RYR2: variants seen among roughly 807,000 people sequenced by gnomAD.
The protein encoded by RYR2 is cardiac muscle ryanodine receptor-calcium release channel.
RYR2 carries 227 observed loss-of-function variants against 601.1 expected under a neutral mutation model. That is an observed-to-expected ratio of 0.38 (90% CI 0.34 to 0.42). The LOEUF is 0.42. RYR2 is among the 10% of genes least tolerant of loss of function. RYR2 has a pLI of 1.00. For missense variants in RYR2, 4,646 were observed against 6,156.5 expected (o/e 0.75, Z 8.21); for synonymous variants, 2,223 against 2,175.1 (o/e 1.02, Z -0.61).
chr1:237,301,359 CT>C lies in RYR2; in HGVS notation c.169-29512del, dbSNP rs763149669. 1.8e-4 allele frequency among the ~76,000 whole-genome samples: 27 copies of C among 152,064 alleles called. No homozygotes were observed. The East Asian group carries it at 5.0e-3, about 28-fold the overall frequency. Reference sequence around the variant, plus strand: ...TGTGAGGGTTATAAATATTGTTTGTCTTTTTTTAAGAAAGATAAAAAAGTTG... The same window carrying C: ...TGTGAGGGTTATAAATATTGTTTGTCTTTTTTAAGAAAGATAAAAAAGTTG... On this transcript the variant is annotated intron_variant, in intron 2 of 104. Coordinates refer to ENST00000366574, the MANE Select transcript of RYR2 (RefSeq NM_001035.3).
chr1:237,128,539 G>T (rs903281895), intron 1 of RYR2, among the ~76,000 whole-genome samples: 1 of 152,220 alleles, frequency 6.6e-6, no homozygotes, highest in Non-Finnish European at 1.5e-5. Flanking sequence ...ATCAGAGAGA[G>T]GTGGCAGTGC....
intron 20 of RYR2, among the ~76,000 whole-genome samples, chr1:237,499,676 TA>T (rs11331256): frequency 0.6 from 90,901 of 150,962 alleles, 27,787 homozygotes; most frequent in Non-Finnish European, 0.66. Context: ...GTGTCCACAT[TA>T]AAAAAAAAAT....
chr1:237,300,924 G>C (rs144127873), intron 2 of RYR2, among the ~76,000 whole-genome samples: 2 of 152,034 alleles, frequency 1.3e-5, no homozygotes, highest in Non-Finnish European at 2.9e-5. Context: ...TACAATAATC[G>C]AAGTGAATTT....
chr1:237,153,829 CT>C (rs1675003238), intron 1 of RYR2, among the ~76,000 whole-genome samples: 1 of 152,056 alleles, frequency 6.6e-6, no homozygotes, highest in Non-Finnish European at 1.5e-5. Context: ...TGGTTTTCTG[CT>C]GTAAAAATAC....
At chr1:237,726,551 A>G (rs1046842085) in intron 75 of RYR2, among the ~76,000 whole-genome samples, 3 of 152,120 alleles carry the variant, frequency 2.0e-5, no homozygotes, top group Non-Finnish European at 4.4e-5. Context: ...CTGTGTTCAC[A>G]AAGCGTTGTC....
chr1:237,771,915 T>A, intron 85 of RYR2, 97 bp from the exon 86 acceptor site: 1 of 694,218 alleles, frequency 1.4e-6, no homozygotes, highest in South Asian at 1.6e-5. Flanking sequence ...TAACCCACAA[T>A]GATTTTGCCA....
At chr1:237,661,821 G>A (rs1335327750) in intron 56 of RYR2, among the ~76,000 whole-genome samples, 2 of 152,102 alleles carry the variant, frequency 1.3e-5, no homozygotes, top group Admixed American at 6.6e-5. Context: ...ATAGGTCTTC[G>A]GTGCTCAAGG....
At chr1:237,430,496 T>A (rs1214214042) in intron 12 of RYR2, among the ~76,000 whole-genome samples, 4 of 152,146 alleles carry the variant, frequency 2.6e-5, no homozygotes, top group Non-Finnish European at 4.4e-5. Context: ...TGTGGAAGGA[T>A]ATACACTAAT....
At chr1:237,512,734 A>G (rs1168894462) in intron 24 of RYR2, among the ~76,000 whole-genome samples, 1 of 152,156 alleles carries the variant, frequency 6.6e-6, no homozygotes, top group East Asian at 1.9e-4. Context: ...TTATCTGGGC[A>G]TAATGGCGCA....
chr1:237,299,529 C>A (rs1010649370), intron 2 of RYR2, among the ~76,000 whole-genome samples: 9 of 152,186 alleles, frequency 5.9e-5, no homozygotes, highest in African/African-American at 1.9e-4. Flanking sequence ...ATGTGCTGGA[C>A]TTCTGGGCCA....
At chr1:237,782,690 A>G (rs1312133414) in intron 89 of RYR2, among the ~76,000 whole-genome samples, 2 of 152,226 alleles carry the variant, frequency 1.3e-5, no homozygotes, top group African/African-American at 2.4e-5. Flanking sequence ...AGTAGCAGCA[A>G]CCACAGCAGT....
chr1:237,080,766 C>T (rs1166936753), intron 1 of RYR2, among the ~76,000 whole-genome samples: 2 of 90,052 alleles, frequency 2.2e-5, no homozygotes, highest in Non-Finnish European at 2.3e-5. Context: ...TTGACCCAGC[C>T]ATCCCATTAC....
chr1:237,493,221 A>T, intron 19 of RYR2, 134 bp downstream of exon 19: 1 of 975,096 alleles, frequency 1.0e-6, no homozygotes, highest in South Asian at 1.7e-5. Context: ...TTTTGCAGTG[A>T]ATAATATGTC....
intron 1 of RYR2, among the ~76,000 whole-genome samples, chr1:237,227,570 A>G (rs969855909): frequency 1.3e-5 from 2 of 152,178 alleles, no homozygotes; most frequent in African/African-American, 4.8e-5. Context: ...GTCTGGGTGG[A>G]GTTTGCATGT....
intron 14 of RYR2, among the ~76,000 whole-genome samples, chr1:237,453,902 T>C (rs1014008625): frequency 6.6e-6 from 1 of 152,220 alleles, no homozygotes; most frequent in African/African-American, 2.4e-5. Context: ...ATTTACCGTT[T>C]CATAAGCAGA....
intron 14 of RYR2, among the ~76,000 whole-genome samples, chr1:237,447,804 C>CT (rs1461656695): frequency 2.8e-4 from 41 of 147,520 alleles, no homozygotes; most frequent in African/African-American, 1.0e-3. Context: ...TCCTTCCCTC[C>CT]TTCCTTCCTT....
At chr1:237,051,973 C>T (rs1422256002) in intron 1 of RYR2, among the ~76,000 whole-genome samples, 3 of 152,192 alleles carry the variant, frequency 2.0e-5, no homozygotes, top group African/African-American at 4.8e-5. Flanking sequence ...TTACCAGAGC[C>T]TTGCAGGCTG....
chr1:237,310,669 T>C (rs1254377092), intron 2 of RYR2, among the ~76,000 whole-genome samples: 1 of 152,234 alleles, frequency 6.6e-6, no homozygotes, highest in African/African-American at 2.4e-5. Flanking sequence ...TGTGTCATTT[T>C]CTTCTGGGTG....
At chr1:237,146,538 C>T (rs1461781035) in intron 1 of RYR2, among the ~76,000 whole-genome samples, 10 of 152,186 alleles carry the variant, frequency 6.6e-5, no homozygotes, top group African/African-American at 1.4e-4. Flanking sequence ...GCAGGATGCG[C>T]TCCTTCTTAT....
Sources: gnomAD v4.1 joint callset for allele counts (sites outside exome capture counted in the v4.1 genomes callset) on GRCh38, gnomAD v4.1.1 for gene constraint, MANE v1.5 for transcripts, NCBI Gene and HGNC (gene_info 2026-07-23, HGNC 2026-07-21) for gene names.